The following PRDM16 variants were observed in gnomAD, a reference collection of about 807,000 sequenced individuals.
PRDM16 encodes the protein PR/SET domain 16.
In PRDM16, 23 loss-of-function variants were observed where a neutral mutation model predicts 110.6. That is an observed-to-expected ratio of 0.21 (90% CI 0.15 to 0.29). The LOEUF (loss-of-function observed/expected upper bound fraction) is 0.29. Among genes scored for constraint, PRDM16 ranks in the 10% least tolerant of loss-of-function variants. The pLI is 1.00. For synonymous variants in PRDM16, 799 were observed against 781.8 expected (o/e 1.02, Z -0.37); for missense variants, 1,615 against 1,794.3 (o/e 0.90, Z 1.81).
intron 3 of PRDM16, among the ~76,000 whole-genome samples, chr1:3,314,518 A>ATCC (rs1641551451): frequency 6.6e-6 from 1 of 151,950 alleles, no homozygotes; most frequent in Admixed American, 6.5e-5. Context: ...CCACATAGTT[A>ATCC]TCCTGCTCCA....
chr1:3,411,306 G>A, intron 8 of PRDM16, 78 bp from the exon 9 acceptor site: 1 of 1,493,770 alleles, frequency 6.7e-7, no homozygotes. Flanking sequence ...GGCTTTCCCA[G>A]TAATTTCATG....
chr1:3,073,453 T>G (rs1205063245), intron 1 of PRDM16, among the ~76,000 whole-genome samples: 1 of 152,140 alleles, frequency 6.6e-6, no homozygotes, highest in Admixed American at 6.5e-5. Flanking sequence ...ATTTATCAGG[T>G]TTTGAATCAA....
intron 3 of PRDM16, among the ~76,000 whole-genome samples, chr1:3,267,405 C>T (rs974016939): frequency 6.6e-6 from 1 of 152,200 alleles, no homozygotes; most frequent in Non-Finnish European, 1.5e-5. Context: ...CCTTTTCTAT[C>T]CACTCGTCCC....
Position 3,417,941 on chromosome 1 carries a change from A to G in PRDM16, c.2805A>G (p.Pro935=), listed in dbSNP as rs965889601. The part of the protein sequence containing the change: ...LPHHPFNFRS[P]PPTLSDPILR... ...ACCACCCCTTCAACTTCCGGTCCCC[A>G]CCCCCAACGCTCTCCGACCCCATCC... Residue 935 remains proline (P), a synonymous_variant, in exon 11 of 17, where the codon CCA becomes CCG. Coordinates refer to ENST00000270722, the MANE Select transcript of PRDM16 (RefSeq NM_022114.4). The G allele has an allele frequency of 7.0e-7, 1 of 1,423,868 alleles. No individual in the cohort carries two copies. Among genetic ancestry groups the G allele is most frequent in the Admixed American group, 2.0e-5 (1 of 50,912 alleles). The allele number at this position is 1,423,868 out of a possible 1,614,324, so 88.2% of individuals were successfully genotyped here.
chr1:3,328,294 G>A (rs143795252), intron 3 of PRDM16, among the ~76,000 whole-genome samples: 12 of 152,364 alleles, frequency 7.9e-5, no homozygotes, highest in African/African-American at 2.9e-4. Flanking sequence ...ATTCTGTTGT[G>A]GGGAGCTGTT....
intron 1 of PRDM16, among the ~76,000 whole-genome samples, chr1:3,073,222 C>G (rs1016329900): frequency 6.6e-6 from 1 of 152,224 alleles, no homozygotes; most frequent in Non-Finnish European, 1.5e-5. Flanking sequence ...GGGGCTCCCC[C>G]CACCGGGCCC....
intron 2 of PRDM16, among the ~76,000 whole-genome samples, chr1:3,238,740 G>A (rs1439652094): frequency 6.6e-6 from 1 of 152,232 alleles, no homozygotes; most frequent in Non-Finnish European, 1.5e-5. Flanking sequence ...GGGTTCAGGT[G>A]CAAGTCCCGG....
In PRDM16 at chr1:3,356,280, G is replaced by A. The variant is rs143139671; in HGVS notation, c.439-28872G>A. ...CCAAAGCCCCCCCCAGCCCCCCTGC[G>A]CCAAGCCACCATCTCTAAAGGTGAC... On this transcript the variant is annotated intron_variant, in intron 3 of 16. Coordinates refer to ENST00000270722, the MANE Select transcript of PRDM16 (RefSeq NM_022114.4). Among the ~76,000 whole-genome samples, 203 of 152,260 alleles carry A rather than the reference G, an allele frequency of 1.3e-3. 4 individuals carry two copies. In the East Asian group the frequency reaches 0.022, roughly 17 times the overall value.
intron 12 of PRDM16, among the ~76,000 whole-genome samples, chr1:3,424,147 A>C (rs1317362298): frequency 6.6e-6 from 1 of 152,198 alleles, no homozygotes; most frequent in Non-Finnish European, 1.5e-5. Context: ...GTCTTCACAG[A>C]GGCAGCGCAC....
chr1:3,138,981 G>A (rs777731130), intron 1 of PRDM16, among the ~76,000 whole-genome samples: 13 of 152,202 alleles, frequency 8.5e-5, no homozygotes, highest in Non-Finnish European at 1.9e-4. Context: ...TTTCCTGTGT[G>A]CTGTGGGCGT....
At chr1:3,217,805 ACG>A (rs1317413667) in intron 2 of PRDM16, among the ~76,000 whole-genome samples, 1 of 151,796 alleles carries the variant, frequency 6.6e-6, no homozygotes, top group Non-Finnish European at 1.5e-5. Flanking sequence ...GCTGGCTGGG[ACG>A]CGCGCTCTTC....
chr1:3,336,234 GTATA>G (rs1642142924), intron 3 of PRDM16, among the ~76,000 whole-genome samples: 1 of 152,214 alleles, frequency 6.6e-6, no homozygotes, highest in Non-Finnish European at 1.5e-5. Flanking sequence ...GTGCACGTGC[GTATA>G]TATGTATGTT....
rs1296949612 is a variant in PRDM16, at chr1:3,081,607, G to A, written c.37+12311G>A. On this transcript the variant is annotated intron_variant, in intron 1 of 16. Transcript: ENST00000270722. This position sits in a 1 kb window ranked among gnomAD's most constrained non-coding sequence, Gnocchi z 4.6. Reference sequence around the variant, plus strand: ...CGGCCAGGGTTGGTCTTCCTTCTGTGAGCACGGGGGGTGAGCAGTGGGCAG... The same window carrying A: ...CGGCCAGGGTTGGTCTTCCTTCTGTAAGCACGGGGGGTGAGCAGTGGGCAG... 6.6e-6 allele frequency among the ~76,000 whole-genome samples: 1 copy of A among 152,220 alleles called. No homozygotes were observed. Among genetic ancestry groups the A allele is most frequent in the Non-Finnish European group, 1.5e-5 (1 of 68,042 alleles).
chr1:3,233,250 G>T (rs1011555774), intron 2 of PRDM16, among the ~76,000 whole-genome samples: 1 of 152,162 alleles, frequency 6.6e-6, no homozygotes, highest in East Asian at 1.9e-4. Flanking sequence ...CTGTGTCGTC[G>T]GTGTGGAGGA....
chr1:3,113,666 C>G (rs1036665564), intron 1 of PRDM16, among the ~76,000 whole-genome samples: 1 of 152,234 alleles, frequency 6.6e-6, no homozygotes, highest in Non-Finnish European at 1.5e-5. Context: ...ATTCCCGGCC[C>G]CCACCCACCA....
At chr1:3,073,630 G>A (rs1467533692) in intron 1 of PRDM16, among the ~76,000 whole-genome samples, 1 of 152,098 alleles carries the variant, frequency 6.6e-6, no homozygotes, top group African/African-American at 2.4e-5. Flanking sequence ...TCGAGCCACC[G>A]AGGGCTGCAG....
At chr1:3,291,855 C>G (rs1170676856) in intron 3 of PRDM16, among the ~76,000 whole-genome samples, 1 of 152,220 alleles carries the variant, frequency 6.6e-6, no homozygotes, top group Non-Finnish European at 1.5e-5. Flanking sequence ...AACAGCTTCT[C>G]TCCTCGAAGG....
chr1:3,093,892 C>T (rs1421251734), intron 1 of PRDM16, among the ~76,000 whole-genome samples: 1 of 152,226 alleles, frequency 6.6e-6, no homozygotes, highest in African/African-American at 2.4e-5. Context: ...CCCACTCGGG[C>T]GGAGAGCAGG....
At chr1:3,328,341 T>C (rs949843590) in intron 3 of PRDM16, among the ~76,000 whole-genome samples, 1 of 152,244 alleles carries the variant, frequency 6.6e-6, no homozygotes, top group African/African-American at 2.4e-5. Context: ...TCTCTGCCTC[T>C]GCCCAGTAGA....
Sources: gnomAD v4.1 joint callset for allele counts (sites outside exome capture counted in the v4.1 genomes callset) on GRCh38, gnomAD v4.1.1 for gene constraint, Gnocchi (gnomAD v3.1) non-coding constraint, MANE v1.5 for transcripts, NCBI Gene and HGNC (gene_info 2026-07-23, HGNC 2026-07-21) for gene names.